Variants in DMD observed in about 807,000 individuals in gnomAD.
DMD encodes the protein mutant dystrophin.
Under a neutral mutation model 330.1 loss-of-function variants are expected in DMD, and 63 were observed. That is an observed-to-expected ratio of 0.19 (90% CI 0.16 to 0.24). The LOEUF (loss-of-function observed/expected upper bound fraction) is 0.24, where lower values mean the gene tolerates loss of function less well. Among genes scored for constraint, DMD ranks in the 10% least tolerant of loss-of-function variants. DMD has a pLI of 1.00. For missense variants in DMD, 3,344 were observed against 2,684.1 expected, an observed-to-expected ratio of 1.25 and a Z score of -5.43; for synonymous variants, 1,223 against 959.8, an observed-to-expected ratio of 1.27 and a Z score of -5.07.
intron 64 of DMD, among the ~76,000 whole-genome samples, chrX:31,213,013 A>G (rs1276981846): frequency 1.8e-5 from 2 of 112,826 alleles, no homozygotes; most frequent in Admixed American, 9.3e-5. Flanking sequence ...TAATTAGCAC[A>G]GAAACAGAAA....
chrX:32,491,289 T>A lies in DMD; in HGVS notation c.2610A>T (p.Leu870Phe), dbSNP rs1367180372. The change falls in exon 20 of 79, where the codon TTA (leucine) becomes TTT (phenylalanine). Residue 870 changes from leucine (L) to phenylalanine (F), a missense_variant. Physicochemically the swap from Leu to Phe is conservative, Grantham distance 22 (BLOSUM62 0). Coordinates refer to ENST00000357033, the MANE Select transcript of DMD (RefSeq NM_004006.3). Reference sequence around the variant, plus strand: ...AAGAGATTCTTACCTTACAAATTTTTAACTGACTTTTAATTGCTGTTGGCT... The same window carrying A: ...AAGAGATTCTTACCTTACAAATTTTAAACTGACTTTTAATTGCTGTTGGCT... The part of the protein sequence containing the change: ...PSEPTAIKSQ[L>F]KICKDEVNRL... 5 of 1,210,495 alleles carry A rather than the reference T, an allele frequency of 4.1e-6. No individual in the cohort carries two copies. The highest frequency in any genetic ancestry group is 2.2e-5 in the Admixed American group (1 of 45,794).
Position 32,454,732 on chromosome X carries a change from T to C in DMD, c.3533A>G (p.Glu1178Gly). ...EMHEWMTQAE[E>G]EYLERDFEYK... ...TTCAAAATCTCTCTCAAGATACTCT[T>C]CTTCAGCTTGTGTCATCCATTCGTG... is the stretch of plus-strand genomic sequence containing the variant. Residue 1178 changes from glutamate to glycine, a missense_variant, in exon 26 of 79, where the codon GAA (glutamate) becomes GGA (glycine). Physicochemically the swap from Glu to Gly is moderately conservative, Grantham distance 98. Transcript: ENST00000357033. The C allele has an allele frequency of 8.3e-7, 1 of 1,206,347 alleles. No individual in the cohort carries two copies.
intron 1 of DMD, among the ~76,000 whole-genome samples, chrX:33,041,890 C>CT (rs2094308110): frequency 2.8e-5 from 1 of 35,491 alleles, no homozygotes; most frequent in Non-Finnish European, 6.0e-5. Context: ...ATGAGTTCAT[C>CT]TAAAAAAAAA....
chrX:32,038,365 C>A (rs2095968683), intron 44 of DMD, among the ~76,000 whole-genome samples: 1 of 111,726 alleles, frequency 9.0e-6, no homozygotes, highest in South Asian at 3.7e-4. Flanking sequence ...TAGCAATGAT[C>A]TTGTAAGGTG....
At chrX:32,158,557 T>C (rs1486264236) in intron 44 of DMD, among the ~76,000 whole-genome samples, 3 of 111,686 alleles carry the variant, frequency 2.7e-5, no homozygotes, top group African/African-American at 9.8e-5. Context: ...CAAATATCAG[T>C]GGAAAACACT....
At chrX:31,618,524 TATTTCCACTA>T (rs1175667182) in intron 55 of DMD, among the ~76,000 whole-genome samples, 1 of 112,078 alleles carries the variant, frequency 8.9e-6, no homozygotes, top group Non-Finnish European at 1.9e-5. Flanking sequence ...GAAGTAGAAA[TATTTCCACTA>T]ATTTCTATTA....
At position 31,861,584 on chromosome X, in the gene DMD, T is replaced by TAA. The variant is rs55938260; in HGVS notation, c.7098+13602_7098+13603dup. Among the ~76,000 whole-genome samples, 72 of 81,596 alleles carry TAA rather than the reference T, an allele frequency of 8.8e-4. 1 individual carries two copies. The highest frequency in any genetic ancestry group is 6.2e-3 in the South Asian group (10 of 1,604). The allele number at this position is 81,596 out of a possible 115,157, so 70.9% of individuals were successfully genotyped here. A position where few individuals can be genotyped will look rare whatever the true frequency, so the allele number is the denominator to read the frequency against. ...CTTAGAACAGAATAGTATGCAACTG[T>TAA]AAAAAAAAAAAAAAAGAGACAGTTC... On this transcript the variant is annotated intron_variant, in intron 48 of 78. Coordinates refer to ENST00000357033, the MANE Select transcript of DMD (RefSeq NM_004006.3).
chrX:33,306,378 A>G (rs1409568631), intron 1 of DMD, among the ~76,000 whole-genome samples: 1 of 112,213 alleles, frequency 8.9e-6, no homozygotes, highest in Non-Finnish European at 1.9e-5. Context: ...CCAGTTTATA[A>G]CAAGGAACAG....
chrX:31,695,799 T>C (rs750815745), intron 52 of DMD, among the ~76,000 whole-genome samples: 31 of 110,851 alleles, frequency 2.8e-4, no homozygotes, highest in African/African-American at 9.8e-4. Flanking sequence ...ATGAGAGACG[T>C]TTATCAATGG....
At chrX:31,342,179 G>A (rs983256358) in intron 61 of DMD, among the ~76,000 whole-genome samples, 1 of 111,733 alleles carries the variant, frequency 8.9e-6, no homozygotes, top group Admixed American at 9.5e-5. Context: ...GCTCCTGGGT[G>A]GGAGTGGGGC....
rs893536407 is a variant in DMD, at chrX:32,348,449, T to C, written c.5405A>G (p.Gln1802Arg). ...KLLEPLEAEI[Q>R]QGVNLKEEDF... Reference sequence around the variant, plus strand: ...TTCCTCTTTCAGATTCACCCCCTGCTGAATTTCAGCCTCCAGTGGTTCAAG... The same window carrying C: ...TTCCTCTTTCAGATTCACCCCCTGCCGAATTTCAGCCTCCAGTGGTTCAAG... The change falls in exon 38 of 79, where the codon CAG becomes CGG. Residue 1802 changes from glutamine to arginine, a missense_variant. By Grantham distance (43) the Gln-to-Arg change is conservative. Transcript: ENST00000357033. 4.1e-6 allele frequency: 5 copies of C among 1,206,063 alleles called. No homozygotes were observed. The African/African-American group carries it at 8.8e-5, about 21-fold the overall frequency.
chrX:32,397,117 T>C (rs1052784407), intron 30 of DMD, among the ~76,000 whole-genome samples: 2 of 111,276 alleles, frequency 1.8e-5, no homozygotes, highest in Admixed American at 9.6e-5. Context: ...GAAGAAAACA[T>C]TGGGGATAGA....
At chrX:32,433,033 C>G (rs753121063) in intron 29 of DMD, among the ~76,000 whole-genome samples, 1 of 111,996 alleles carries the variant, frequency 8.9e-6, no homozygotes, top group East Asian at 2.8e-4. Flanking sequence ...TAATAAGCCA[C>G]GAAAGAGGTG....
intron 43 of DMD, among the ~76,000 whole-genome samples, chrX:32,243,399 T>G (rs779177991): frequency 5.4e-5 from 6 of 111,735 alleles, no homozygotes; most frequent in Non-Finnish European, 7.5e-5. Context: ...CTCAACATCT[T>G]AAGGATAAAA....
chrX:32,564,296 GTCAAAATAACTTTCTTTA>G (rs2051421975), intron 16 of DMD, among the ~76,000 whole-genome samples: 1 of 111,754 alleles, frequency 8.9e-6, no homozygotes, highest in South Asian at 3.7e-4. Context: ...AGGGATGCAC[GTCAAAATAACTTTCTTTA>G]TCAAATAATG....
chrX:32,607,921 A>AT (rs1405025046), intron 12 of DMD, among the ~76,000 whole-genome samples: 4 of 109,852 alleles, frequency 3.6e-5, no homozygotes, highest in Non-Finnish European at 5.8e-5. Flanking sequence ...TAGGGTACTT[A>AT]TTTTTTTCCT....
At chrX:32,743,343 CTTCT>C (rs1251919294) in intron 7 of DMD, among the ~76,000 whole-genome samples, 2 of 111,607 alleles carry the variant, frequency 1.8e-5, no homozygotes, top group Non-Finnish European at 3.8e-5. Flanking sequence ...ACTTTCCTTC[CTTCT>C]TTGTCTCACT....
At chrX:31,228,117 G>A (rs1407546836) in intron 63 of DMD, among the ~76,000 whole-genome samples, 1 of 104,971 alleles carries the variant, frequency 9.5e-6, no homozygotes, top group African/African-American at 3.6e-5. Context: ...TGGGGTGGGG[G>A]GAGTGGGGGG....
chrX:33,235,315 C>T (rs185514742), intron 1 of DMD, among the ~76,000 whole-genome samples: 23 of 111,841 alleles, frequency 2.1e-4, no homozygotes, highest in Admixed American at 2.8e-4. Context: ...TGACTGCCTT[C>T]CTTCAGGGAA....
Sources: allele counts gnomAD v4.1 joint callset (sites outside exome capture counted in the v4.1 genomes callset), GRCh38; gene constraint gnomAD v4.1.1; transcripts MANE v1.5; gene names NCBI Gene and HGNC (gene_info 2026-07-23, HGNC 2026-07-21).